The following USP34 variants were observed in gnomAD, a reference collection of about 807,000 sequenced individuals.
USP34 encodes ubiquitin carboxyl-terminal hydrolase 34.
A neutral mutation model predicts 460.3 loss-of-function variants in USP34; 70 were observed. The ratio of observed to expected loss-of-function variants is 0.15; its 90% CI spans 0.13 to 0.19. USP34 has a LOEUF of 0.19. USP34 is among the 10% of genes least tolerant of loss of function. The pLI, the probability that USP34 is intolerant of heterozygous loss-of-function variation, is 1.00. For synonymous variants in USP34, 1,647 were observed against 1,405.3 expected (o/e 1.17, Z -3.85); for missense variants, 3,985 against 4,236.2 (o/e 0.94, Z 1.65).
intron 38 of USP34, among the ~76,000 whole-genome samples, 188 bp from the exon 39 acceptor site, chr2:61,280,536 CG>C (rs1689504469): frequency 6.6e-6 from 1 of 151,750 alleles, no homozygotes; most frequent in East Asian, 1.9e-4. Context: ...AAATGACAAA[CG>C]TAAGAACTTT....
chr2:61,396,739 C>T (rs181710296), intron 3 of USP34, among the ~76,000 whole-genome samples: 5 of 152,074 alleles, frequency 3.3e-5, no homozygotes, highest in South Asian at 2.1e-4. Flanking sequence ...CCACCCGCCT[C>T]GGCCTCCCAA....
chr2:61,197,620 C>G (rs1686845894), intron 75 of USP34, among the ~76,000 whole-genome samples: 5 of 152,162 alleles, frequency 3.3e-5, no homozygotes, highest in Admixed American at 3.3e-4. Flanking sequence ...TCTTTTGAGA[C>G]AGGATTTTGC....
At chr2:61,402,281 T>G (rs1454748831) in intron 3 of USP34, among the ~76,000 whole-genome samples, 1 of 151,982 alleles carries the variant, frequency 6.6e-6, no homozygotes, top group African/African-American at 2.4e-5. Flanking sequence ...CCCTGTCTCT[T>G]AAGGGGAAAA....
chr2:61,463,963 G>A (rs974123761), intron 1 of USP34, among the ~76,000 whole-genome samples: 3 of 152,084 alleles, frequency 2.0e-5, no homozygotes, highest in African/African-American at 7.2e-5. Flanking sequence ...AAGGATGACA[G>A]AGTACCTCCC....
chr2:61,313,610 A>G (rs1321446650), intron 25 of USP34, among the ~76,000 whole-genome samples: 3 of 152,066 alleles, frequency 2.0e-5, no homozygotes, highest in Non-Finnish European at 4.4e-5. Context: ...CTCTTTTTAA[A>G]ATTTTATTTT....
At chr2:61,364,357 G>A (rs916799046) in intron 10 of USP34, among the ~76,000 whole-genome samples, 4 of 152,128 alleles carry the variant, frequency 2.6e-5, no homozygotes, top group Non-Finnish European at 2.9e-5. Context: ...ACAGCAAGAC[G>A]CTGTCTCCAA....
intron 34 of USP34, among the ~76,000 whole-genome samples, chr2:61,285,158 G>GA (rs1431850888): frequency 6.6e-6 from 1 of 151,994 alleles, no homozygotes; most frequent in Middle Eastern, 3.2e-3. Context: ...CCAAGAATCG[G>GA]AAAACCAGAA....
chr2:61,331,493 A>T, intron 19 of USP34, 122 bp from the exon 20 acceptor site: 1 of 641,284 alleles, frequency 1.6e-6, no homozygotes, highest in East Asian at 3.1e-5. Context: ...AGTTACGAAA[A>T]ATATACACGT....
rs553994337 is a variant in USP34 at position 61,406,197 on chromosome 2, A to T, written c.132-69T>A. On this transcript the variant is annotated intron_variant, in intron 2 of 79. Coordinates refer to ENST00000398571, the MANE Select transcript of USP34 (RefSeq NM_014709.4). ...GCTGTATTTTTTAATAATATAAAAA[A>T]ACAAGTAAGCAAATACTAAGTTATT... 2.1e-4 allele frequency: 271 copies of T among 1,310,736 alleles called. No individual in the cohort carries two copies. The African/African-American group carries it at 3.8e-3, about 18-fold the overall frequency. 81.2% of individuals were successfully genotyped at this position (1,310,736 alleles called of 1,614,324 possible).
chr2:61,381,520 G>A (rs1692975188), intron 6 of USP34, among the ~76,000 whole-genome samples: 1 of 152,208 alleles, frequency 6.6e-6, no homozygotes, highest in East Asian at 1.9e-4. Flanking sequence ...CTTCTGCACA[G>A]AGATGGAGTC....
At chr2:61,441,358 G>A (rs767566531) in intron 1 of USP34, among the ~76,000 whole-genome samples, 48 of 151,996 alleles carry the variant, frequency 3.2e-4, no homozygotes, top group East Asian at 3.9e-4. Flanking sequence ...TACTTTCTGC[G>A]CCCCACCTCC....
In USP34 at chr2:61,383,331, T is replaced by C. The variant is rs1173482333; in HGVS notation, c.759A>G (p.Arg253=). ...HAFITVVSNI[R]IWLHIPAVMQ... is the part of the protein sequence containing the mutation. ...TGACAGCGGGAATATGTAGCCATATTCTAATCTATATAAGAAACATAAAAA... is the reference window on the plus strand; with the variant it reads ...TGACAGCGGGAATATGTAGCCATATCCTAATCTATATAAGAAACATAAAAA... Residue 253 remains arginine (R), a synonymous_variant, in exon 6 of 80, where the codon AGA becomes AGG. Coordinates refer to ENST00000398571, the MANE Select transcript of USP34 (RefSeq NM_014709.4). 2 of 1,600,686 alleles carry C rather than the reference T, an allele frequency of 1.2e-6. No homozygotes were observed. Among genetic ancestry groups the C allele is most frequent in the East Asian group, 2.2e-5 (1 of 44,720 alleles).
chr2:61,432,957 G>C (rs1160494724), intron 1 of USP34, among the ~76,000 whole-genome samples: 1 of 152,032 alleles, frequency 6.6e-6, no homozygotes, highest in Non-Finnish European at 1.5e-5. Context: ...AGTTACAATA[G>C]GTAATACATT....
chr2:61,368,913 T>C (rs2694641), intron 10 of USP34, among the ~76,000 whole-genome samples: 4 of 152,006 alleles, frequency 2.6e-5, no homozygotes, highest in South Asian at 2.1e-4. Context: ...CAAACCAGGA[T>C]ACAGTAATAA....
At chr2:61,383,437 G>T (rs561132217) in intron 5 of USP34, 101 bp from the exon 6 acceptor site, 3 of 796,742 alleles carry the variant, frequency 3.8e-6, no homozygotes, top group Non-Finnish European at 5.8e-6. Flanking sequence ...AGGCACGGTC[G>T]CTCACGCCTG....
chr2:61,231,663 C>T (rs1368284293), intron 58 of USP34, among the ~76,000 whole-genome samples: 1 of 151,656 alleles, frequency 6.6e-6, no homozygotes, highest in Admixed American at 6.6e-5. Context: ...TGCAGTGAGC[C>T]ATGAAGTACC....
chr2:61,376,816 G>A (rs1026066709), intron 8 of USP34, among the ~76,000 whole-genome samples: 6 of 152,140 alleles, frequency 3.9e-5, no homozygotes, highest in Admixed American at 2.0e-4. Context: ...CCTAATTTTT[G>A]TATTTACAGT....
chr2:61,283,581 G>C (rs564541322), intron 35 of USP34, 132 bp from the exon 36 acceptor site: 19 of 596,560 alleles, frequency 3.2e-5, no homozygotes, highest in East Asian at 2.9e-4. Context: ...GTGTGAGTGA[G>C]AGTGAGAGTG....
chr2:61,206,930 C>A, intron 70 of USP34, 44 bp from the exon 71 acceptor site: 2 of 1,592,564 alleles, frequency 1.3e-6, no homozygotes, highest in Non-Finnish European at 1.7e-6. Flanking sequence ...TTCATTTTTG[C>A]TTACTGAGCC....
Sources: gnomAD v4.1 joint callset for allele counts (sites outside exome capture counted in the v4.1 genomes callset) on GRCh38, gnomAD v4.1.1 for gene constraint, MANE v1.5 for transcripts, NCBI Gene and HGNC (gene_info 2026-07-23, HGNC 2026-07-21) for gene names.